The following SNX31 variants were observed in gnomAD, a reference collection of about 807,000 sequenced individuals.
SNX31 encodes the protein sorting nexin 31.
A neutral mutation model predicts 65.4 loss-of-function variants in SNX31; 58 were observed. The observed-to-expected ratio is 0.89, with a 90% CI of 0.72 to 1.10. The LOEUF is 1.10. Among genes scored for constraint, SNX31 ranks in the 50% least tolerant of loss-of-function variants. The pLI is 0.00. For synonymous variants in SNX31, 181 were observed against 190.1 expected (o/e 0.95, Z 0.39); for missense variants, 523 against 529.7 (o/e 0.99, Z 0.12).
chr8:100,622,543 T>C lies in SNX31; in HGVS notation c.322-4813A>G, dbSNP rs889021870. Among the ~76,000 whole-genome samples, 1 of 151,894 alleles carries C rather than the reference T, an allele frequency of 6.6e-6. No homozygotes were observed. The highest frequency in any genetic ancestry group is 6.6e-5 in the Admixed American group (1 of 15,232). On this transcript the variant is annotated intron_variant, in intron 4 of 13. Transcript: ENST00000311812. This position sits in a 1 kb window ranked among gnomAD's most constrained non-coding sequence, Gnocchi z 5.0. ...GCACATGCCTGTAATCTCAGCTACT[T>C]GGGAGGCTGAGGCAGGAGAATCACT...
chr8:100,636,976 C>A (rs762698767), intron 2 of SNX31, among the ~76,000 whole-genome samples: 1 of 152,220 alleles, frequency 6.6e-6, no homozygotes, highest in Non-Finnish European at 1.5e-5. Context: ...CTGCCTCTGC[C>A]TCCCACAGTG....
intron 7 of SNX31, among the ~76,000 whole-genome samples, chr8:100,611,573 T>A (rs1268916187): frequency 6.6e-6 from 1 of 152,226 alleles, no homozygotes; most frequent in African/African-American, 2.4e-5. Context: ...CTTTTCTTTT[T>A]GAGACAGGGT....
intron 1 of SNX31, among the ~76,000 whole-genome samples, chr8:100,655,192 C>CACGAAG (rs1345033668): frequency 1.3e-5 from 2 of 152,096 alleles, no homozygotes; most frequent in African/African-American, 4.8e-5. Flanking sequence ...ACCCAGCAGG[C>CACGAAG]ATGAAGGGAG....
intron 8 of SNX31, among the ~76,000 whole-genome samples, chr8:100,601,207 C>T (rs1220156580): frequency 1.3e-5 from 2 of 152,180 alleles, no homozygotes; most frequent in Admixed American, 1.3e-4. Flanking sequence ...AAAGTCAATC[C>T]TTACAGCCAC....
In SNX31 at chr8:100,595,314, GT is replaced by G. The variant is rs1168302108; in HGVS notation, c.978+1324del. On this transcript the variant is annotated intron_variant, in intron 10 of 13. Transcript: ENST00000311812. Reference sequence around the variant, plus strand: ...AGTGCGGAGATAGAGGGAATTTGTTGTTTTTTTTTTTTTTTCAGATGGGTCT... The same window carrying G: ...AGTGCGGAGATAGAGGGAATTTGTTGTTTTTTTTTTTTTTCAGATGGGTCT... Among the ~76,000 whole-genome samples, 122 of 125,532 alleles carry G rather than the reference GT, an allele frequency of 9.7e-4. 1 individual carries two copies. The highest frequency in any genetic ancestry group is 1.9e-3 in the African/African-American group (48 of 25,874). The allele number at this position is 125,532 out of a possible 152,430, so 82.4% of individuals were successfully genotyped here. A position where few individuals can be genotyped will look rare whatever the true frequency, so the allele number is the denominator to read the frequency against.
intron 4 of SNX31, chr8:100,618,832 C>T (rs1486114782): frequency 6.0e-6 from 1 of 166,450 alleles, no homozygotes; most frequent in African/African-American, 2.4e-5. Context: ...TGCTCGCCAA[C>T]CTGGAAGCTC....
chr8:100,583,824 G>A (rs1813776075), intron 12 of SNX31, among the ~76,000 whole-genome samples: 1 of 152,184 alleles, frequency 6.6e-6, no homozygotes, highest in African/African-American at 2.4e-5. Flanking sequence ...CCATGTCAGA[G>A]AAGGCTGAAA....
intron 8 of SNX31, among the ~76,000 whole-genome samples, chr8:100,605,618 C>T (rs780689897): frequency 1.4e-4 from 21 of 152,120 alleles, no homozygotes; most frequent in Non-Finnish European, 2.2e-4. Context: ...CGGTTGCTGG[C>T]CCAGGGTCAC....
chr8:100,656,714 T>C (rs1820059112), intron 1 of SNX31, among the ~76,000 whole-genome samples: 1 of 150,098 alleles, frequency 6.7e-6, no homozygotes, highest in Admixed American at 6.6e-5. Context: ...AAATGGCTCC[T>C]GTCCTCAAAA....
Position 100,614,659 on chromosome 8 carries a change from A to G in SNX31, c.433-1574T>C, listed in dbSNP as rs1817016022. 6.6e-6 allele frequency among the ~76,000 whole-genome samples: 1 copy of G among 151,978 alleles called. No homozygotes were observed. Among genetic ancestry groups the G allele is most frequent in the Non-Finnish European group, 1.5e-5 (1 of 67,986 alleles). On this transcript the variant is annotated intron_variant, in intron 5 of 13. Coordinates refer to ENST00000311812, the MANE Select transcript of SNX31 (RefSeq NM_152628.4). This position sits in a 1 kb window ranked among gnomAD's most constrained non-coding sequence, Gnocchi z 5.1. ...GAAGGCTGAGGCGGGTTGATCACCT[A>G]AGGTCAGGAGTTCAAAACCAGCCTG... is the stretch of plus-strand genomic sequence containing the variant.
In SNX31 at chr8:100,615,839, G is replaced by T. The variant is rs370146569; in HGVS notation, c.432+1781C>A. Among the ~76,000 whole-genome samples the T allele has an allele frequency of 4.9e-4, 74 of 152,202 alleles. No individual in the cohort carries two copies. In the East Asian group the frequency reaches 0.013, roughly 27 times the overall value. ...GGCTGGAGTGCAGTGGCGCGATCTC[G>T]GCTCACTGCAAGCTCCGCCTCCCGG... is the stretch of plus-strand genomic sequence containing the variant. On this transcript the variant is annotated intron_variant, in intron 5 of 13. Transcript: ENST00000311812.
chr8:100,603,025 C>T (rs759703799), intron 8 of SNX31, among the ~76,000 whole-genome samples: 4 of 152,104 alleles, frequency 2.6e-5, no homozygotes, highest in East Asian at 1.9e-4. Flanking sequence ...GATGACCCAG[C>T]GAGTAAGTGG....
At chr8:100,618,267 T>C in intron 4 of SNX31, 1 of 1,473,594 alleles carries the variant, frequency 6.8e-7, no homozygotes, top group South Asian at 1.3e-5. Context: ...CAACTGAGTA[T>C]CTATATTGGA....
At chr8:100,661,247 C>G (rs1180461919) in intron 1 of SNX31, among the ~76,000 whole-genome samples, 1 of 152,174 alleles carries the variant, frequency 6.6e-6, no homozygotes, top group Non-Finnish European at 1.5e-5. Flanking sequence ...CTCAGGTGAT[C>G]TGCCCGCCTC....
chr8:100,598,052 A>T (rs1267930596), intron 9 of SNX31, among the ~76,000 whole-genome samples: 1 of 152,150 alleles, frequency 6.6e-6, no homozygotes, highest in Non-Finnish European at 1.5e-5. Flanking sequence ...GGTAACTCAC[A>T]CCTCCTTTAC....
intron 12 of SNX31, 107 bp downstream of exon 12, chr8:100,584,004 G>T: frequency 1.0e-6 from 1 of 955,496 alleles, no homozygotes. Flanking sequence ...CCTCCCTTTA[G>T]GACTAGACCT....
At chr8:100,649,135 G>A (rs2131302748) in intron 2 of SNX31, 139 bp downstream of exon 2, 2 of 747,652 alleles carry the variant, frequency 2.7e-6, no homozygotes, top group Non-Finnish European at 4.5e-6. Context: ...ATCCTTACCA[G>A]GACCCTGTTT....
rs1204100128 is a variant in SNX31 at position 100,660,438 on chromosome 8, G to A, written c.-58+2704C>T. 1.3e-5 allele frequency among the ~76,000 whole-genome samples: 2 copies of A among 152,144 alleles called. No individual in the cohort carries two copies. Among genetic ancestry groups the A allele is most frequent in the Non-Finnish European group, 2.9e-5 (2 of 68,024 alleles). ...TTCATTTGAGTTATCAGCCACTAAT[G>A]TATGCTGTTTCCTGTAAAGACAATG... On this transcript the variant is annotated intron_variant, in intron 1 of 5. Coordinates refer to the SNX31 transcript ENST00000520352. The surrounding 1 kb of genome is among the most constrained non-coding windows in gnomAD (Gnocchi z 4.1).
At chr8:100,661,784 C>A (rs1449723932) in intron 1 of SNX31, among the ~76,000 whole-genome samples, 1 of 152,118 alleles carries the variant, frequency 6.6e-6, no homozygotes, top group Non-Finnish European at 1.5e-5. Flanking sequence ...CCTGCCTCAG[C>A]CTCCCAAAGT....
Sources: gnomAD v4.1 joint callset for allele counts (sites outside exome capture counted in the v4.1 genomes callset) on GRCh38, gnomAD v4.1.1 for gene constraint, Gnocchi (gnomAD v3.1) non-coding constraint, MANE v1.5 for transcripts, NCBI Gene and HGNC (gene_info 2026-07-23, HGNC 2026-07-21) for gene names.